The following RABGAP1L variants were observed in gnomAD, a reference collection of about 807,000 sequenced individuals.
The protein encoded by RABGAP1L is rab GTPase-activating protein 1-like.
A neutral mutation model predicts 137.7 loss-of-function variants in RABGAP1L; 63 were observed. That is an observed-to-expected ratio of 0.46 (90% CI 0.37 to 0.56). The LOEUF is 0.56. Ranked by LOEUF, RABGAP1L falls within the 20% of genes least tolerant of loss-of-function variation. The probability of loss-of-function intolerance (pLI) is 0.00; values close to 1 mark genes in which losing one functional copy is unlikely to be tolerated. For missense variants in RABGAP1L, 1,095 were observed against 1,244.0 expected, an observed-to-expected ratio of 0.88 and a Z score of 1.80; for synonymous variants, 431 against 433.7, an observed-to-expected ratio of 0.99 and a Z score of 0.08.
intron 1 of RABGAP1L, among the ~76,000 whole-genome samples, chr1:174,212,735 G>A (rs1668994468): frequency 6.6e-6 from 1 of 151,872 alleles, no homozygotes; most frequent in Non-Finnish European, 1.5e-5. Flanking sequence ...TAATATAATA[G>A]ATCAACAAAA....
intron 19 of RABGAP1L, among the ~76,000 whole-genome samples, chr1:174,921,662 T>G (rs1661831655): frequency 6.6e-6 from 1 of 152,264 alleles, no homozygotes; most frequent in Admixed American, 6.5e-5. Context: ...TTTATAAAGC[T>G]AGTTATCAGC....
At chr1:174,675,902 G>A (rs1450040378) in intron 14 of RABGAP1L, among the ~76,000 whole-genome samples, 1 of 151,916 alleles carries the variant, frequency 6.6e-6, no homozygotes, top group Non-Finnish European at 1.5e-5. Flanking sequence ...AGCCAGATTT[G>A]TATTCTTATT....
intron 11 of RABGAP1L, among the ~76,000 whole-genome samples, chr1:174,307,080 C>G (rs1171608692): frequency 2.0e-5 from 3 of 149,964 alleles, no homozygotes; most frequent in South Asian, 2.2e-4. Context: ...TTGAGTCTTA[C>G]AATCCCATGA....
At chr1:174,736,646 G>A (rs1682967886) in intron 17 of RABGAP1L, among the ~76,000 whole-genome samples, 1 of 152,274 alleles carries the variant, frequency 6.6e-6, no homozygotes, top group Non-Finnish European at 1.5e-5. Context: ...GGTTCTCTGT[G>A]CAGGCGCTGC....
intron 17 of RABGAP1L, among the ~76,000 whole-genome samples, chr1:174,747,435 A>G (rs1284159707): frequency 6.6e-6 from 1 of 151,500 alleles, no homozygotes; most frequent in Non-Finnish European, 1.5e-5. Context: ...AACCTGATAG[A>G]ATAACAAGTT....
At chr1:174,238,195 A>G (rs1254531986) in intron 4 of RABGAP1L, among the ~76,000 whole-genome samples, 1 of 151,928 alleles carries the variant, frequency 6.6e-6, no homozygotes, top group Non-Finnish European at 1.5e-5. Flanking sequence ...AAAGTTTTCA[A>G]CTTCTTTGCC....
intron 7 of RABGAP1L, among the ~76,000 whole-genome samples, chr1:174,255,521 T>C (rs1673049356): frequency 6.6e-6 from 1 of 152,184 alleles, no homozygotes; most frequent in African/African-American, 2.4e-5. Flanking sequence ...CCTAATTTGC[T>C]TTGCATTCTC....
intron 13 of RABGAP1L, chr1:174,545,397 C>G (rs146786952): frequency 0.078 from 11,922 of 152,418 alleles, 656 homozygotes; most frequent in East Asian, 0.32. Context: ...GTGGGACTCT[C>G]CGAGCCAGGT....
intron 19 of RABGAP1L, among the ~76,000 whole-genome samples, chr1:174,876,908 T>G (rs186168909): frequency 1.3e-5 from 2 of 152,254 alleles, no homozygotes; most frequent in Non-Finnish European, 2.9e-5. Flanking sequence ...TTTTCAGACT[T>G]CAGGAGATCA....
chr1:174,958,200 G>C, intron 20 of RABGAP1L: 1 of 1,358,088 alleles, frequency 7.4e-7, no homozygotes, highest in Non-Finnish European at 9.7e-7. Flanking sequence ...AGTGGTGTTT[G>C]TTGCAACATT....
chr1:174,625,240 C>G lies in RABGAP1L; in HGVS notation c.1711-12135C>G, dbSNP rs536422572. ...ATTATATGCTTAATGTCTTTCTTCC[C>G]TACTACCAGATTATAGGCTCCGTAG... On this transcript the variant is annotated intron_variant, in intron 13 of 25. Coordinates refer to ENST00000681986, the MANE Select transcript of RABGAP1L (RefSeq NM_001366446.1). Among the ~76,000 whole-genome samples, 17 of 152,228 alleles carry G rather than the reference C, an allele frequency of 1.1e-4. No individual in the cohort carries two copies. In the South Asian group the frequency reaches 2.3e-3, roughly 20 times the overall value.
Position 174,811,945 on chromosome 1 carries a change from G to A in RABGAP1L, c.2325G>A (p.Gln775=). ...AEENARRLME[Q]ACNIKVPTKK... The stretch of plus-strand genomic sequence containing the variant: ...AAAATGCAAGAAGACTGATGGAGCA[G>A]GCTTGCAATATTAAAGTAAGAACAT... Residue 775 remains glutamine (Q), a synonymous_variant, in exon 19 of 26, where the codon CAG becomes CAA. Coordinates refer to ENST00000681986, the MANE Select transcript of RABGAP1L (RefSeq NM_001366446.1). The A allele has an allele frequency of 6.3e-7, 1 of 1,598,064 alleles. No homozygotes were observed.
Position 174,546,710 on chromosome 1 carries a change from T to C in RABGAP1L, c.1711-90665T>C, listed in dbSNP as rs184585959. ...AAGATTATTTGTTTAGCTATTTGTTTTTAGTAAATTGCATCCTTTGCATTA... is the reference window on the plus strand; with the variant it reads ...AAGATTATTTGTTTAGCTATTTGTTCTTAGTAAATTGCATCCTTTGCATTA... On this transcript the variant is annotated intron_variant, in intron 13 of 25. Coordinates refer to ENST00000681986, the MANE Select transcript of RABGAP1L (RefSeq NM_001366446.1). 1.4e-3 allele frequency among the ~76,000 whole-genome samples: 208 copies of C among 152,330 alleles called. 1 individual carries two copies. The highest frequency in any genetic ancestry group is 4.6e-3 in the African/African-American group (191 of 41,570).
At chr1:174,929,634 C>T (rs1663403977) in intron 19 of RABGAP1L, among the ~76,000 whole-genome samples, 1 of 151,454 alleles carries the variant, frequency 6.6e-6, no homozygotes, top group African/African-American at 2.4e-5. Context: ...GTCCCAACTA[C>T]GAGGCAGCTG....
chr1:174,643,155 A>C (rs1036878006), intron 14 of RABGAP1L, among the ~76,000 whole-genome samples: 1 of 152,094 alleles, frequency 6.6e-6, no homozygotes, highest in African/African-American at 2.4e-5. Flanking sequence ...CCTTCCACTC[A>C]TATCTTTGGA....
At chr1:174,402,832 A>G (rs1036996732) in intron 13 of RABGAP1L, among the ~76,000 whole-genome samples, 7 of 152,170 alleles carry the variant, frequency 4.6e-5, no homozygotes, top group African/African-American at 1.2e-4. Context: ...CCACTAAGCA[A>G]TGATCACATT....
chr1:174,481,874 T>TAAAAAAGAAAAAAAAAAAGAAAAAA (rs1659122711), intron 13 of RABGAP1L, among the ~76,000 whole-genome samples: 1 of 52,240 alleles, frequency 1.9e-5, no homozygotes, highest in Non-Finnish European at 4.4e-5. Context: ...TAAAGTATAA[T>TAAAAAAGAAAAAAAAAAAGAAAAAA]AAAAAATAAA....
At chr1:174,426,755 A>G (rs1014508331) in intron 13 of RABGAP1L, among the ~76,000 whole-genome samples, 3 of 152,098 alleles carry the variant, frequency 2.0e-5, no homozygotes, top group Non-Finnish European at 4.4e-5. Context: ...TTTAGATCCT[A>G]TGAGAATGTA....
intron 14 of RABGAP1L, among the ~76,000 whole-genome samples, chr1:174,675,978 G>T (rs986578131): frequency 6.7e-6 from 1 of 148,390 alleles, no homozygotes; most frequent in African/African-American, 2.5e-5. Flanking sequence ...AAAACTGAGG[G>T]TTTTTTTTTT....
Sources: allele counts gnomAD v4.1 joint callset (sites outside exome capture counted in the v4.1 genomes callset), GRCh38; gene constraint gnomAD v4.1.1; transcripts MANE v1.5; gene names NCBI Gene and HGNC (gene_info 2026-07-23, HGNC 2026-07-21).